GLG1: variants seen among roughly 807,000 people sequenced by gnomAD.
GLG1 encodes Golgi apparatus protein 1.
Under a neutral mutation model 160.5 loss-of-function variants are expected in GLG1, and 38 were observed. The ratio of observed to expected loss-of-function variants is 0.24; its 90% CI spans 0.18 to 0.31. GLG1 has a LOEUF of 0.31. GLG1 is among the 10% of genes least tolerant of loss of function. GLG1 has a pLI of 1.00. For synonymous variants in GLG1, 644 were observed against 543.4 expected (o/e 1.19, Z -2.57); for missense variants, 1,373 against 1,505.2 (o/e 0.91, Z 1.45).
At chr16:74,571,996 C>G (rs917230984) in intron 1 of GLG1, among the ~76,000 whole-genome samples, 1 of 152,126 alleles carries the variant, frequency 6.6e-6, no homozygotes, top group African/African-American at 2.4e-5. Flanking sequence ...GAAGAGATAA[C>G]TGTCTTTTGC....
At chr16:74,557,690 G>T (rs1453776024) in intron 1 of GLG1, among the ~76,000 whole-genome samples, 1 of 152,054 alleles carries the variant, frequency 6.6e-6, no homozygotes, top group Admixed American at 6.6e-5. Context: ...GCATCTGAAA[G>T]AAGTCTGGTG....
chr16:74,503,786 T>C (rs369199204), intron 3 of GLG1, 40 bp from the exon 4 acceptor site: 3 of 1,241,516 alleles, frequency 2.4e-6, no homozygotes, highest in African/African-American at 1.5e-5. Flanking sequence ...AAGTGTTCCA[T>C]GCTCGTATCA....
chr16:74,448,840 GGGCCACTTTGC>G lies in GLG1; in HGVS notation c.*4316_*4326del, dbSNP rs1175503332. 4 of 151,652 alleles carry G rather than the reference GGGCCACTTTGC, an allele frequency of 2.6e-5. No individual in the cohort carries two copies. Among genetic ancestry groups the G allele is most frequent in the Non-Finnish European group, 2.9e-5 (2 of 67,956 alleles). 9.4% of individuals were successfully genotyped at this position (151,652 alleles called of 1,614,324 possible). On this transcript the variant is annotated 3_prime_UTR_variant, in exon 26 of 26. Coordinates refer to ENST00000422840, the MANE Select transcript of GLG1 (RefSeq NM_001145667.2). ...GGCCGAAGTGCACTTTGGCCGAAGTGGGCCACTTTGCGGCCACTTTGGAAGGCCGAAGTGGG... is the reference window on the plus strand; with the variant it reads ...GGCCGAAGTGCACTTTGGCCGAAGTGGGCCACTTTGGAAGGCCGAAGTGGG...
intron 2 of GLG1, among the ~76,000 whole-genome samples, chr16:74,513,057 A>C (rs2016864721): frequency 6.6e-6 from 1 of 152,162 alleles, no homozygotes; most frequent in Non-Finnish European, 1.5e-5. Flanking sequence ...GAAAGATGAG[A>C]TGGGGCGCAG....
At chr16:74,494,564 G>T (rs943277037) in intron 6 of GLG1, among the ~76,000 whole-genome samples, 196 bp downstream of exon 6, 1 of 151,514 alleles carries the variant, frequency 6.6e-6, no homozygotes, top group Non-Finnish European at 1.5e-5. Flanking sequence ...CCACCACCAC[G>T]GCCGACTAAT....
intron 1 of GLG1, among the ~76,000 whole-genome samples, chr16:74,538,478 T>C (rs540091576): frequency 2.0e-5 from 3 of 152,340 alleles, no homozygotes; most frequent in East Asian, 1.9e-4. Flanking sequence ...GCAATCTCGA[T>C]CCTCAGGTTT....
chr16:74,505,609 C>T (rs2016568231), intron 3 of GLG1, among the ~76,000 whole-genome samples: 5 of 152,152 alleles, frequency 3.3e-5, no homozygotes, highest in Admixed American at 6.5e-5. Context: ...AATCCTAGCA[C>T]TTTGGGAGGC....
intron 10 of GLG1, among the ~76,000 whole-genome samples, chr16:74,481,141 G>A (rs559087796): frequency 6.6e-6 from 1 of 152,292 alleles, no homozygotes; most frequent in African/African-American, 2.4e-5. Flanking sequence ...CCTATGTAAT[G>A]TATTAGATTC....
chr16:74,579,596 C>G (rs1957893518), intron 1 of GLG1, among the ~76,000 whole-genome samples: 1 of 151,972 alleles, frequency 6.6e-6, no homozygotes, highest in Non-Finnish European at 1.5e-5. Context: ...GTGGCACACA[C>G]CTGTAGTCCC....
chr16:74,509,642 G>C (rs1233541476), intron 2 of GLG1, among the ~76,000 whole-genome samples: 2 of 151,902 alleles, frequency 1.3e-5, no homozygotes, highest in Non-Finnish European at 2.9e-5. Flanking sequence ...GAGGTCAGGA[G>C]ATCGAGACCA....
At chr16:74,499,385 C>A (rs1282922499) in intron 4 of GLG1, among the ~76,000 whole-genome samples, 1 of 152,124 alleles carries the variant, frequency 6.6e-6, no homozygotes, top group Non-Finnish European at 1.5e-5. Context: ...GGACTAGAAG[C>A]ACACACCACC....
intron 1 of GLG1, among the ~76,000 whole-genome samples, chr16:74,577,308 G>C (rs374041561): frequency 7.9e-5 from 12 of 152,158 alleles, no homozygotes; most frequent in Admixed American, 2.0e-4. Context: ...GATCACCCAA[G>C]GTCAGGAGTT....
At chr16:74,555,775 G>C (rs1169087263) in intron 1 of GLG1, among the ~76,000 whole-genome samples, 1 of 150,678 alleles carries the variant, frequency 6.6e-6, no homozygotes, top group Non-Finnish European at 1.5e-5. Flanking sequence ...GATTTCTGTG[G>C]AAAAATCAAG....
chr16:74,540,809 G>A (rs903047963), intron 1 of GLG1, among the ~76,000 whole-genome samples: 3 of 152,036 alleles, frequency 2.0e-5, no homozygotes, highest in African/African-American at 7.2e-5. Context: ...ACCTTGGACA[G>A]GTTTATCCCT....
intron 4 of GLG1, among the ~76,000 whole-genome samples, chr16:74,501,678 A>G (rs996855886): frequency 6.6e-6 from 1 of 152,194 alleles, no homozygotes; most frequent in African/African-American, 2.4e-5. Flanking sequence ...AAAAAGCCTC[A>G]TTTCTGATTC....
At chr16:74,561,774 A>T (rs192211825) in intron 1 of GLG1, among the ~76,000 whole-genome samples, 1 of 152,324 alleles carries the variant, frequency 6.6e-6, no homozygotes, top group East Asian at 1.9e-4. Context: ...AATCACAGAG[A>T]TCCTGCACAG....
rs1376496021 is a variant in GLG1 at position 74,454,685 on chromosome 16, A to C, written c.3373-1351T>G. On this transcript the variant is annotated intron_variant, in intron 25 of 25. Transcript: ENST00000422840. ...CGTCCCCAAAAAAAAAAAAAAAAAA[A>C]AAAAAAAAAAAAAAATTTTTTTTTT... is the stretch of plus-strand genomic sequence containing the variant. Among the ~76,000 whole-genome samples, 440 of 141,658 alleles carry C rather than the reference A, an allele frequency of 3.1e-3. 7 individuals are homozygous for C. Among genetic ancestry groups the C allele is most frequent in the African/African-American group, 0.012 (415 of 35,710 alleles). The allele number at this position is 141,658 out of a possible 152,430, so 92.9% of individuals were successfully genotyped here. A position where few individuals can be genotyped will look rare whatever the true frequency, so the allele number is the denominator to read the frequency against.
chr16:74,525,913 T>C (rs2017318445), intron 2 of GLG1, among the ~76,000 whole-genome samples: 1 of 152,142 alleles, frequency 6.6e-6, no homozygotes, highest in South Asian at 2.1e-4. Flanking sequence ...CCCAGCACTT[T>C]GGGAGGCTGA....
At chr16:74,556,999 T>C (rs996750636) in intron 1 of GLG1, among the ~76,000 whole-genome samples, 1 of 152,096 alleles carries the variant, frequency 6.6e-6, no homozygotes, top group Middle Eastern at 3.2e-3. Context: ...TGAAGTACTT[T>C]ATAATTTGGC....
Sources: gnomAD v4.1 joint callset for allele counts (sites outside exome capture counted in the v4.1 genomes callset) on GRCh38, gnomAD v4.1.1 for gene constraint, MANE v1.5 for transcripts, NCBI Gene and HGNC (gene_info 2026-07-23, HGNC 2026-07-21) for gene names.